Variants in ARHGEF6 observed in about 807,000 individuals in gnomAD.
The protein encoded by ARHGEF6 is Rac/Cdc42 guanine nucleotide exchange factor 6.
A neutral mutation model predicts 70.3 loss-of-function variants in ARHGEF6; 9 were observed. The ratio of observed to expected loss-of-function variants is 0.13; its 90% CI spans 0.08 to 0.22. The LOEUF is 0.22. Ranked by LOEUF, ARHGEF6 falls within the 10% of genes least tolerant of loss-of-function variation. ARHGEF6 has a pLI of 1.00. For missense variants in ARHGEF6, 470 were observed against 563.0 expected (o/e 0.83, Z 1.67); for synonymous variants, 201 against 207.8 (o/e 0.97, Z 0.28).
At chrX:136,711,547 C>G (rs1160464569) in intron 7 of ARHGEF6, among the ~76,000 whole-genome samples, 1 of 111,705 alleles carries the variant, frequency 9.0e-6, no homozygotes, top group Non-Finnish European at 1.9e-5. Context: ...ACAAAAAATA[C>G]TTTGTTTTTT....
intron 11 of ARHGEF6, 98 bp from the exon 12 acceptor site, chrX:136,685,921 A>G: frequency 2.2e-6 from 2 of 929,532 alleles, no homozygotes; most frequent in Non-Finnish European, 1.5e-6. Context: ...TTTGGTTCCC[A>G]CTGAGTCCCT....
At chrX:136,730,126 CA>C (rs1192781312) in intron 6 of ARHGEF6, among the ~76,000 whole-genome samples, 1 of 110,235 alleles carries the variant, frequency 9.1e-6, no homozygotes, top group African/African-American at 3.3e-5. Context: ...AATGTTATTT[CA>C]TTTTTTTAAT....
intron 9 of ARHGEF6, among the ~76,000 whole-genome samples, chrX:136,698,349 T>C (rs2076533025): frequency 1.8e-5 from 2 of 110,912 alleles, no homozygotes; most frequent in Admixed American, 1.9e-4. Flanking sequence ...AGAAAAAATA[T>C]GCAAAGAAAT....
At chrX:136,722,546 T>G (rs1431455172) in intron 6 of ARHGEF6, among the ~76,000 whole-genome samples, 1 of 111,690 alleles carries the variant, frequency 9.0e-6, no homozygotes, top group Non-Finnish European at 1.9e-5. Context: ...AAATGGCCAA[T>G]AAGCATACCC....
intron 2 of ARHGEF6, chrX:136,767,270 A>G: frequency 4.0e-6 from 3 of 754,764 alleles, no homozygotes; most frequent in Non-Finnish European, 4.7e-6. Context: ...AGCCTGTGCC[A>G]AGGCTGCGGG....
At chrX:136,689,199 T>A (rs2050824319) in intron 10 of ARHGEF6, among the ~76,000 whole-genome samples, 1 of 112,393 alleles carries the variant, frequency 8.9e-6, no homozygotes, top group African/African-American at 3.2e-5. Flanking sequence ...CCATGCCAAA[T>A]GCTCTGAAAT....
intron 15 of ARHGEF6, among the ~76,000 whole-genome samples, chrX:136,680,002 A>C (rs982615154): frequency 8.9e-6 from 1 of 112,274 alleles, no homozygotes; most frequent in Admixed American, 9.4e-5. Context: ...GTAGGTGCTT[A>C]AATAGGTTAT....
At chrX:136,780,621 G>C (rs1453602720) in intron 1 of ARHGEF6, 97 bp downstream of exon 1, 1 of 780,388 alleles carries the variant, frequency 1.3e-6, no homozygotes, top group African/African-American at 2.1e-5. Context: ...TAAAGTAGGA[G>C]ATTCCCATGG....
At chrX:136,731,265 T>C (rs1166354833) in intron 6 of ARHGEF6, among the ~76,000 whole-genome samples, 3 of 112,035 alleles carry the variant, frequency 2.7e-5, no homozygotes, top group Non-Finnish European at 5.6e-5. Context: ...CACATACCTG[T>C]ATAGAGATGT....
At chrX:136,767,605 G>A (rs959627403) in intron 2 of ARHGEF6, 1 of 754,635 alleles carries the variant, frequency 1.3e-6, no homozygotes, top group Non-Finnish European at 1.6e-6. Context: ...CGCTGGCTGC[G>A]AGCCGGGCGA....
intron 2 of ARHGEF6, among the ~76,000 whole-genome samples, chrX:136,766,951 T>C (rs1203017737): frequency 8.9e-6 from 1 of 111,902 alleles, no homozygotes; most frequent in Non-Finnish European, 1.9e-5. Flanking sequence ...TTGGCCCTCA[T>C]CTCCCCCTTC....
intron 2 of ARHGEF6, among the ~76,000 whole-genome samples, chrX:136,770,922 A>C (rs2077359125): frequency 8.9e-6 from 1 of 112,361 alleles, no homozygotes; most frequent in Non-Finnish European, 1.9e-5. Flanking sequence ...ACCTGAGCCC[A>C]GGAGTTTGAG....
At chrX:136,711,197 T>A (rs910950011) in intron 7 of ARHGEF6, among the ~76,000 whole-genome samples, 7 of 112,118 alleles carry the variant, frequency 6.2e-5, no homozygotes, top group African/African-American at 2.0e-4. Flanking sequence ...ACTCATTAAA[T>A]CCTCTTATTG....
chrX:136,684,965 CTT>C (rs930885789), intron 12 of ARHGEF6, among the ~76,000 whole-genome samples: 10 of 111,783 alleles, frequency 8.9e-5, no homozygotes, highest in African/African-American at 2.9e-4. Context: ...ACTGTGGACT[CTT>C]TCATTATTTC....
Position 136,685,707 on chromosome X carries a change from T to C in ARHGEF6, c.1362A>G (p.Ser454=), listed in dbSNP as rs1337068060. The change falls in exon 12 of 22, where the codon TCA becomes TCG. Residue 454 remains serine, a synonymous_variant. Transcript: ENST00000250617. ...IKNLGNVIFM[S]QVMVQYGACE... is the part of the protein sequence containing the mutation. The stretch of plus-strand genomic sequence containing the variant: ...ATGCTCCATACTGCACCATTACTTG[T>C]GACATAAAAATCACATTTCCCAAGT... The C allele has an allele frequency of 8.3e-7, 1 of 1,208,801 alleles. No homozygotes were observed. The highest frequency in any genetic ancestry group is 1.1e-6 in the Non-Finnish European group (1 of 894,519).
chrX:136,676,778 A>G (rs760199499), intron 17 of ARHGEF6, 61 bp from the exon 18 acceptor site: 103 of 821,959 alleles, frequency 1.3e-4, no homozygotes, highest in Non-Finnish European at 1.7e-4. Context: ...AAGTAAAAGC[A>G]TGAATGAAAC....
intron 9 of ARHGEF6, among the ~76,000 whole-genome samples, chrX:136,696,268 G>A (rs2076508857): frequency 9.0e-6 from 1 of 111,309 alleles, no homozygotes; most frequent in African/African-American, 3.3e-5. Flanking sequence ...TTGAGATGGT[G>A]GCATGAGATT....
chrX:136,720,624 C>G (rs924661852), intron 6 of ARHGEF6, among the ~76,000 whole-genome samples: 2 of 111,451 alleles, frequency 1.8e-5, no homozygotes, highest in Admixed American at 9.5e-5. Context: ...TTCCCTCACA[C>G]CACTCCTTTT....
At chrX:136,779,538 C>T (rs377226209) in intron 1 of ARHGEF6, 41 bp from the exon 2 acceptor site, 25 of 1,120,330 alleles carry the variant, frequency 2.2e-5, no homozygotes, top group Middle Eastern at 2.4e-4. Context: ...GATTGTCATC[C>T]CATGCCAAGC....
Sources: allele counts gnomAD v4.1 joint callset (sites outside exome capture counted in the v4.1 genomes callset), GRCh38; gene constraint gnomAD v4.1.1; transcripts MANE v1.5; gene names NCBI Gene and HGNC (gene_info 2026-07-23, HGNC 2026-07-21).